The following TUBGCP6 variants were observed in gnomAD, a reference collection of about 807,000 sequenced individuals.
The protein encoded by TUBGCP6 is gamma-tubulin complex component 6.
In TUBGCP6, 161 loss-of-function variants were observed where a neutral mutation model predicts 175.8. The ratio of observed to expected loss-of-function variants is 0.92; its 90% CI spans 0.81 to 1.04. The LOEUF (loss-of-function observed/expected upper bound fraction) is 1.04, where lower values mean the gene tolerates loss of function less well. Ranked by LOEUF, TUBGCP6 falls within the 50% of genes least tolerant of loss-of-function variation. TUBGCP6 has a pLI of 0.00. For synonymous variants in TUBGCP6, 1,173 were observed against 1,030.5 expected (o/e 1.14, Z -2.65); for missense variants, 2,572 against 2,433.0 (o/e 1.06, Z -1.20).
chr22:50,224,726 G>A, intron 10 of TUBGCP6, 134 bp from the exon 11 acceptor site: 3 of 808,210 alleles, frequency 3.7e-6, no homozygotes, highest in Admixed American at 4.8e-5. Flanking sequence ...GGACAACATA[G>A]CAAAAACCCA....
At chr22:50,231,251 T>C (rs182125148) in intron 3 of TUBGCP6, among the ~76,000 whole-genome samples, 4,304 of 125,860 alleles carry the variant, frequency 0.034, 111 homozygotes, top group South Asian at 0.15. Flanking sequence ...GTCAGGAGTT[T>C]GAGACCAGCC....
At chr22:50,227,864 G>A (rs373334227) in intron 5 of TUBGCP6, 43 bp downstream of exon 5, 20 of 1,556,804 alleles carry the variant, frequency 1.3e-5, no homozygotes, top group South Asian at 1.2e-4. Context: ...GCCCCACACC[G>A]CTCCCGCAAA....
chr22:50,222,650 G>C, intron 13 of TUBGCP6, 58 bp from the exon 14 acceptor site: 2 of 1,594,112 alleles, frequency 1.3e-6, no homozygotes, highest in Non-Finnish European at 1.7e-6. Flanking sequence ...CCATCTACCT[G>C]GCACCCCTCA....
At chr22:50,229,274 T>G (rs1326089819) in intron 4 of TUBGCP6, 130 bp downstream of exon 4, 17 of 1,055,728 alleles carry the variant, frequency 1.6e-5, no homozygotes, top group Non-Finnish European at 2.0e-5. Context: ...CTATCGGGTT[T>G]CAGATGTTAG....
Position 50,217,981 on chromosome 22 carries a change from T to TG in TUBGCP6, c.5304dup (p.Asn1769GlnfsTer62), listed in dbSNP as rs1233451494. 6.2e-7 allele frequency: 1 copy of TG among 1,610,024 alleles called. No individual in the cohort carries two copies. Among genetic ancestry groups the TG allele is most frequent in the Non-Finnish European group, 8.5e-7 (1 of 1,179,050 alleles). ...TAGGACTGCTGCATGAGTGCAAAGT[T>TG]GGGGTGCTCTGCACCCCGCGGGCCC... On this transcript the variant is annotated frameshift_variant, in exon 24 of 25. Transcript: ENST00000248846. LOFTEE classifies it high-confidence loss of function.
intron 3 of TUBGCP6, among the ~76,000 whole-genome samples, chr22:50,232,429 G>A (rs1351114550): frequency 7.2e-5 from 11 of 151,916 alleles, no homozygotes; most frequent in South Asian, 6.2e-4. Context: ...GTGGTGGCAC[G>A]TGCCTGTAGT....
chr22:50,218,619 A>T lies in TUBGCP6; in HGVS notation c.4823T>A (p.Val1608Glu). 6.2e-7 allele frequency: 1 copy of T among 1,613,822 alleles called. No homozygotes were observed. The highest frequency in any genetic ancestry group is 8.5e-7 in the Non-Finnish European group (1 of 1,179,968). ...GATGACAATGTTGAGAGGCCAGTCC[A>T]CCTGCCAGGAGGCGTGGCTCAGCAG... ...VLSCLELRYKVDWPLNIVITE... is the reference protein window; with the variant it reads ...VLSCLELRYKEDWPLNIVITE... Residue 1608 changes from valine (V) to glutamate (E), a missense_variant and splice_region_variant, in exon 22 of 25, where the codon GTG (valine) becomes GAG (glutamate). By Grantham distance (121) the Val-to-Glu change is moderately radical. Transcript: ENST00000248846.
Position 50,243,877 on chromosome 22 carries a change from G to A in TUBGCP6, c.583C>T (p.Leu195Phe), listed in dbSNP as rs375781585. The A allele has an allele frequency of 8.3e-5, 134 of 1,613,644 alleles. No individual in the cohort carries two copies. The highest frequency in any genetic ancestry group is 2.5e-5 in the Non-Finnish European group (30 of 1,179,992). The change falls in exon 1 of 25, where the codon CTC becomes TTC. Residue 195 changes from leucine (L) to phenylalanine (F), a missense_variant. By Grantham distance (22) the Leu-to-Phe change is conservative. Transcript: ENST00000248846. ...APGTGLPTVG[L>F]FSFGDPCGDR... ...CCACAAGGGTCACCAAATGAGAAGA[G>A]CCCGACGGTGGGCAGGCCAGTGCCT...
intron 10 of TUBGCP6, 31 bp from the exon 11 acceptor site, chr22:50,224,623 C>G (rs1203707056): frequency 1.9e-6 from 3 of 1,609,930 alleles, no homozygotes; most frequent in Non-Finnish European, 2.5e-6. Context: ...TCAAAGCATC[C>G]TGGCCGGGCG....
rs745943896 is a variant in TUBGCP6, at chr22:50,220,796, T to C, written c.3563A>G (p.His1188Arg). 1 of 1,599,552 alleles carries C rather than the reference T, an allele frequency of 6.3e-7. No individual in the cohort carries two copies. Among genetic ancestry groups the C allele is most frequent in the South Asian group, 1.1e-5 (1 of 89,640 alleles). Residue 1188 changes from histidine (H) to arginine (R), a missense_variant, in exon 16 of 25, where the codon CAT (histidine) becomes CGT (arginine). Physicochemically the swap from His to Arg is conservative, Grantham distance 29. Transcript: ENST00000248846. ...GATGCTGGCATCAGACACGTGTCCA[T>C]GGGTGTTCCACCGTGGCCGGGCGGG... ...MAPARPRWNT[H>R]GHVSDASISL...
Position 50,217,891 on chromosome 22 carries a change from A to G in TUBGCP6, c.5368+27T>C, listed in dbSNP as rs2064442620. 2.5e-6 allele frequency: 4 copies of G among 1,604,602 alleles called. No homozygotes were observed. In the East Asian group the frequency reaches 9.0e-5, roughly 36 times the overall value. The stretch of plus-strand genomic sequence containing the variant: ...GTGAGCCCCGCCCTGGCCCCCCCGC[A>G]GCCCTCCCAGCCAGGGTGGGCCTCA... On this transcript the variant is annotated intron_variant, in intron 24 of 24. Transcript: ENST00000248846.
intron 24 of TUBGCP6, 38 bp from the exon 25 acceptor site, chr22:50,217,865 T>A: frequency 6.2e-7 from 1 of 1,610,484 alleles, no homozygotes; most frequent in Non-Finnish European, 8.5e-7. Context: ...TTGCCCACAG[T>A]GTGAGCCCCG....
intron 3 of TUBGCP6, 78 bp from the exon 4 acceptor site, chr22:50,229,655 T>A (rs1188011757): frequency 6.9e-7 from 1 of 1,455,984 alleles, no homozygotes; most frequent in African/African-American, 1.4e-5. Context: ...CCTCCACCCT[T>A]GCACCCAACC....
Position 50,244,897 on chromosome 22 carries a change from T to G in TUBGCP6, c.-438A>C. ...CGAGGGTCGTGGGCAGCGGAGAGTCTGGGGGCTCAGCCGGGTGGGTCCCGG... is the reference window on the plus strand; with the variant it reads ...CGAGGGTCGTGGGCAGCGGAGAGTCGGGGGGCTCAGCCGGGTGGGTCCCGG... On this transcript the variant is annotated 5_prime_UTR_variant, in exon 1 of 25. Transcript: ENST00000248846. The G allele has an allele frequency of 4.7e-6, 1 of 210,882 alleles. No individual in the cohort carries two copies. The highest frequency in any genetic ancestry group is 9.6e-6 in the Non-Finnish European group (1 of 103,734). The allele number at this position is 210,882 out of a possible 1,614,324, so 13.1% of individuals were successfully genotyped here.
At chr22:50,237,958 A>C (rs747692082) in intron 2 of TUBGCP6, among the ~76,000 whole-genome samples, 1 of 152,136 alleles carries the variant, frequency 6.6e-6, no homozygotes, top group Non-Finnish European at 1.5e-5. Context: ...CACCATCTCT[A>C]CTAAAAACAC....
chr22:50,244,139 C>A lies in TUBGCP6; in HGVS notation c.321G>T (p.Val107=). The stretch of plus-strand genomic sequence containing the variant: ...GAACCAGGAGGTCCAAAACAGACCC[C>A]ACCTCCAAAAGCGGACAGCAAGGGG... ...EAAPCCPLLE[V]GSVLDLLVQL... is the part of the protein sequence containing the mutation. Residue 107 remains valine (V), a synonymous_variant, in exon 1 of 25, where the codon GTG becomes GTT. Transcript: ENST00000248846. 1 of 1,613,536 alleles carries A rather than the reference C, an allele frequency of 6.2e-7. No individual in the cohort carries two copies. The highest frequency in any genetic ancestry group is 8.5e-7 in the Non-Finnish European group (1 of 1,180,040).
intron 18 of TUBGCP6, 91 bp downstream of exon 18, chr22:50,219,553 C>G: frequency 6.3e-7 from 1 of 1,588,428 alleles, no homozygotes; most frequent in Non-Finnish European, 8.6e-7. Flanking sequence ...ACTGGCTAGC[C>G]CAGGGCTCCG....
chr22:50,226,738 G>T lies in TUBGCP6; in HGVS notation c.1596C>A (p.Tyr532Ter). 2 of 1,581,772 alleles carry T rather than the reference G, an allele frequency of 1.3e-6. No individual in the cohort carries two copies. The highest frequency in any genetic ancestry group is 1.7e-6 in the Non-Finnish European group (2 of 1,164,588). The change falls in exon 7 of 25, where the codon TAC becomes TAA. Residue 532 changes from tyrosine (Y) to a stop codon, truncating the protein, a stop_gained. Transcript: ENST00000248846. LOFTEE classifies it high-confidence loss of function. ...CTGCCCAGCCCACTGCCCACCGGGTGTAGGGCTCGCAGCTGGTCTTCAGCA... is the reference window on the plus strand; with the variant it reads ...CTGCCCAGCCCACTGCCCACCGGGTTTAGGGCTCGCAGCTGGTCTTCAGCA... ...LSLLKTSCEP[Y>*]TRFIHDWVYS...
rs897011329 is a variant in TUBGCP6, at chr22:50,219,300, G to A, written c.4472C>T (p.Pro1491Leu). 5.0e-6 allele frequency: 8 copies of A among 1,604,032 alleles called. No individual in the cohort carries two copies. Among genetic ancestry groups the A allele is most frequent in the South Asian group, 1.1e-5 (1 of 89,686 alleles). The change falls in exon 19 of 25, where the codon CCG becomes CTG. Residue 1491 changes from proline to leucine, a missense_variant. Coordinates refer to ENST00000248846, the MANE Select transcript of TUBGCP6 (RefSeq NM_020461.4). ...PVLMKRSITAPLAAHISLVNK... is the reference protein window; with the variant it reads ...PVLMKRSITALLAAHISLVNK... ...CAGGGGCACTCACTGGGCGGCCAGC[G>A]GTGCCGTGATGGAGCGCTTCATGAG...
Sources: allele counts gnomAD v4.1 joint callset (sites outside exome capture counted in the v4.1 genomes callset), GRCh38; gene constraint gnomAD v4.1.1; transcripts MANE v1.5; gene names NCBI Gene and HGNC (gene_info 2026-07-23, HGNC 2026-07-21).